Variants in NR6A1 observed in about 807,000 individuals in gnomAD.
NR6A1 encodes nuclear receptor subfamily 6 group A member 1.
In NR6A1, 7 loss-of-function variants were observed where a neutral mutation model predicts 59.1. That is an observed-to-expected ratio of 0.12 (90% CI 0.07 to 0.22). The LOEUF is 0.22. NR6A1 is among the 10% of genes least tolerant of loss of function. NR6A1 has a pLI of 1.00. For missense variants in NR6A1, 468 were observed against 611.6 expected (o/e 0.77, Z 2.48); for synonymous variants, 243 against 236.1 (o/e 1.03, Z -0.27).
intron 2 of NR6A1, among the ~76,000 whole-genome samples, chr9:124,655,865 T>C (rs1249359801): frequency 6.6e-6 from 1 of 152,166 alleles, no homozygotes; most frequent in Non-Finnish European, 1.5e-5. Flanking sequence ...ACTGTCTTGA[T>C]AGCAAAAAAG....
rs752372503 is a variant in NR6A1, at chr9:124,771,264, C to G, written c.-145G>C. 1.4e-5 allele frequency: 6 copies of G among 419,190 alleles called. No individual in the cohort carries two copies. Among genetic ancestry groups the G allele is most frequent in the African/African-American group, 2.1e-5 (1 of 48,756 alleles). The allele number at this position is 419,190 out of a possible 1,614,324, so 26.0% of individuals were successfully genotyped here. On this transcript the variant is annotated 5_prime_UTR_variant, in exon 1 of 10. Transcript: ENST00000487099. ...GGCTCTCTCTGGGCCCCGAGCCGCCCGGCTCCGCGCCGCTCCGCGCCCCTC... is the reference window on the plus strand; with the variant it reads ...GGCTCTCTCTGGGCCCCGAGCCGCCGGGCTCCGCGCCGCTCCGCGCCCCTC...
chr9:124,569,125 G>T (rs765668725), intron 2 of NR6A1, among the ~76,000 whole-genome samples: 33 of 152,034 alleles, frequency 2.2e-4, no homozygotes, highest in Admixed American at 3.3e-4. Flanking sequence ...AAAAAAATGA[G>T]CCTCAGTGCT....
chr9:124,540,834 C>G (rs1214165785), intron 4 of NR6A1, among the ~76,000 whole-genome samples: 1 of 151,988 alleles, frequency 6.6e-6, no homozygotes, highest in Non-Finnish European at 1.5e-5. Context: ...ACAAAAAACC[C>G]CAAATGTCAT....
At chr9:124,591,964 T>G (rs1239823322) in intron 2 of NR6A1, among the ~76,000 whole-genome samples, 1 of 152,172 alleles carries the variant, frequency 6.6e-6, no homozygotes, top group Non-Finnish European at 1.5e-5. Flanking sequence ...AAAAAGAAGA[T>G]TCTTGCAAAT....
chr9:124,558,683 C>T lies in NR6A1; in HGVS notation c.143-4113G>A, dbSNP rs74768658. Among the ~76,000 whole-genome samples, 296 of 152,246 alleles carry T rather than the reference C, an allele frequency of 1.9e-3. 2 individuals carry two copies. Among genetic ancestry groups the T allele is most frequent in the African/African-American group, 6.9e-3 (285 of 41,564 alleles). ...GAAATGGAGGCCCATGAGGTGCTAT[C>T]ACTCCCTAATAGTCATCCAGCTAGT... On this transcript the variant is annotated intron_variant, in intron 2 of 9. Transcript: ENST00000487099.
intron 2 of NR6A1, among the ~76,000 whole-genome samples, chr9:124,601,232 C>T (rs1237215833): frequency 6.6e-6 from 1 of 151,370 alleles, no homozygotes. Flanking sequence ...GCAGAGATCA[C>T]GCCACTGCAC....
intron 1 of NR6A1, among the ~76,000 whole-genome samples, chr9:124,762,755 G>A (rs1451928185): frequency 6.6e-6 from 1 of 152,120 alleles, no homozygotes; most frequent in Non-Finnish European, 1.5e-5. Context: ...GGAAAATACT[G>A]AATTACTGAG....
At chr9:124,580,488 A>G (rs543026844) in intron 2 of NR6A1, among the ~76,000 whole-genome samples, 1 of 152,172 alleles carries the variant, frequency 6.6e-6, no homozygotes, top group African/African-American at 2.4e-5. Context: ...TTCATATGGA[A>G]CCAAAAGCAC....
chr9:124,640,511 T>C (rs1836739862), intron 2 of NR6A1, among the ~76,000 whole-genome samples: 1 of 152,116 alleles, frequency 6.6e-6, no homozygotes, highest in Non-Finnish European at 1.5e-5. Context: ...GCAATGTTCC[T>C]ACCTCAGCCT....
At chr9:124,528,183 C>T (rs1031701341) in intron 7 of NR6A1, among the ~76,000 whole-genome samples, 1 of 152,186 alleles carries the variant, frequency 6.6e-6, no homozygotes, top group Non-Finnish European at 1.5e-5. Context: ...GCTTTGCAGG[C>T]TTAGGCTTCC....
At chr9:124,707,663 T>C (rs1428420422) in intron 2 of NR6A1, among the ~76,000 whole-genome samples, 2 of 152,276 alleles carry the variant, frequency 1.3e-5, no homozygotes, top group South Asian at 2.1e-4. Context: ...GTGGTGATGA[T>C]GAGTTGTTTT....
At chr9:124,538,371 CT>C (rs779643447) in intron 5 of NR6A1, 52 bp from the exon 6 acceptor site, 1 of 1,444,400 alleles carries the variant, frequency 6.9e-7, no homozygotes, top group Non-Finnish European at 9.6e-7. Context: ...CTAGTAATTA[CT>C]CAAAGGAAGT....
At chr9:124,616,418 AAAAG>A (rs1484615076) in intron 2 of NR6A1, among the ~76,000 whole-genome samples, 67 of 151,222 alleles carry the variant, frequency 4.4e-4, no homozygotes, top group Admixed American at 8.5e-4. Flanking sequence ...AAAAAAAAAA[AAAAG>A]AAAAGAACTA....
chr9:124,543,933 T>C (rs1221018758), intron 3 of NR6A1, 76 bp from the exon 4 acceptor site: 6 of 1,289,812 alleles, frequency 4.7e-6, no homozygotes, highest in Non-Finnish European at 5.6e-6. Flanking sequence ...GAGAGTTTAC[T>C]TGGCCAAAAG....
At chr9:124,706,003 C>T (rs1169560453) in intron 2 of NR6A1, among the ~76,000 whole-genome samples, 2 of 152,074 alleles carry the variant, frequency 1.3e-5, no homozygotes, top group African/African-American at 2.4e-5. Flanking sequence ...CTTGAACTCC[C>T]GAACTCAGGT....
chr9:124,591,219 G>C (rs1046030900), intron 2 of NR6A1, among the ~76,000 whole-genome samples: 1 of 152,144 alleles, frequency 6.6e-6, no homozygotes, highest in Admixed American at 6.5e-5. Context: ...CCCTAAATTT[G>C]CTCCTCTTTG....
chr9:124,725,795 C>A (rs1205825991), intron 2 of NR6A1, among the ~76,000 whole-genome samples: 1 of 152,028 alleles, frequency 6.6e-6, no homozygotes, highest in Non-Finnish European at 1.5e-5. Context: ...AGAAAAATAC[C>A]AAATTTTAAA....
chr9:124,659,037 A>G (rs539113947), intron 2 of NR6A1, among the ~76,000 whole-genome samples: 1 of 152,378 alleles, frequency 6.6e-6, no homozygotes, highest in South Asian at 2.1e-4. Context: ...GTATTTAAAG[A>G]AGGAAGAAAT....
intron 2 of NR6A1, among the ~76,000 whole-genome samples, chr9:124,625,657 C>A (rs1429677222): frequency 6.6e-6 from 1 of 152,140 alleles, no homozygotes; most frequent in Non-Finnish European, 1.5e-5. Context: ...TTTATGCCAA[C>A]TTGCTTGGCT....
Sources: allele counts gnomAD v4.1 joint callset (sites outside exome capture counted in the v4.1 genomes callset), GRCh38; gene constraint gnomAD v4.1.1; transcripts MANE v1.5; gene names NCBI Gene and HGNC (gene_info 2026-07-23, HGNC 2026-07-21).